Variants in RANBP2 observed in about 807,000 individuals in gnomAD.
RANBP2 encodes RAN binding protein 2.
A neutral mutation model predicts 303.6 loss-of-function variants in RANBP2; 57 were observed. The ratio of observed to expected loss-of-function variants is 0.19; its 90% CI spans 0.15 to 0.23. The LOEUF (loss-of-function observed/expected upper bound fraction) is 0.23. Among genes scored for constraint, RANBP2 ranks in the 10% least tolerant of loss-of-function variants. The pLI is 1.00. For missense variants in RANBP2, 3,138 were observed against 3,780.8 expected (o/e 0.83, Z 4.46); for synonymous variants, 1,167 against 1,301.5 (o/e 0.90, Z 2.23).
the RANBP2 span, chr2:108,923,502 C>T: frequency 6.4e-7 from 1 of 1,574,100 alleles, no homozygotes; most frequent in Non-Finnish European, 8.7e-7. Context: ...CTGGACAGCA[C>T]ACAGGCAGGG....
chr2:108,997,976 G>A, the RANBP2 span, among the ~76,000 whole-genome samples: 1 of 152,076 alleles, frequency 6.6e-6, no homozygotes, highest in African/African-American at 2.4e-5. Context: ...CCTCAGCCTC[G>A]GCAAGTATCA....
chr2:109,083,703 A>G, the RANBP2 span, among the ~76,000 whole-genome samples: 1 of 152,034 alleles, frequency 6.6e-6, no homozygotes, highest in African/African-American at 2.4e-5. Context: ...GTGATTCTAT[A>G]TTTAATTTGC....
the RANBP2 span, among the ~76,000 whole-genome samples, chr2:109,666,889 G>A: frequency 6.6e-6 from 1 of 152,196 alleles, no homozygotes; most frequent in Non-Finnish European, 1.5e-5. Flanking sequence ...AATGGGCACG[G>A]TTGGTTTTCT....
chr2:109,636,766 C>A, the RANBP2 span, among the ~76,000 whole-genome samples: 1 of 152,086 alleles, frequency 6.6e-6, no homozygotes, highest in Non-Finnish European at 1.5e-5. Context: ...GATGAAACCC[C>A]GTCACTACCA....
the RANBP2 span, among the ~76,000 whole-genome samples, chr2:109,050,035 A>G: frequency 6.6e-6 from 1 of 152,256 alleles, no homozygotes; most frequent in African/African-American, 2.4e-5. Flanking sequence ...ACTGGTGGCC[A>G]CTAGCTTGCC....
the RANBP2 span, among the ~76,000 whole-genome samples, chr2:109,337,610 C>T: frequency 6.6e-6 from 1 of 151,946 alleles, no homozygotes. Context: ...GAAGTCCATC[C>T]TCCATTGGTG....
the RANBP2 span, chr2:109,732,731 G>C: frequency 1.5e-6 from 1 of 668,064 alleles, no homozygotes; most frequent in African/African-American, 1.8e-5. Context: ...GTTTATGTAG[G>C]TTTATGCAGG....
the RANBP2 span, among the ~76,000 whole-genome samples, chr2:109,172,367 C>A: frequency 6.6e-6 from 1 of 152,228 alleles, no homozygotes; most frequent in Non-Finnish European, 1.5e-5. Flanking sequence ...TCACCATGCA[C>A]GGAGCTCAGC....
At position 108,767,753 on chromosome 2, in the gene RANBP2, C is replaced by T; in HGVS notation, c.7214C>T (p.Thr2405Ile). The change falls in exon 20 of 29, where the codon ACT (threonine) becomes ATT (isoleucine). Residue 2405 changes from threonine (T) to isoleucine (I), a missense_variant. This residue lies in a region of RANBP2 where 92 missense variants were observed against 211.0 expected (regional missense o/e 0.44). Coordinates refer to ENST00000283195, the MANE Select transcript of RANBP2 (RefSeq NM_006267.5). ...MKGTERVWLW[T>I]ACDFADGERK... ...GGGACAGAAAGAGTATGGTTGTGGA[C>T]TGCATGTGATTTTGCAGATGGAGAA... 1 of 1,611,984 alleles carries T rather than the reference C, an allele frequency of 6.2e-7. No homozygotes were observed. The highest frequency in any genetic ancestry group is 8.5e-7 in the Non-Finnish European group (1 of 1,179,860).
chr2:109,144,103 T>C, the RANBP2 span, among the ~76,000 whole-genome samples: 1 of 152,186 alleles, frequency 6.6e-6, no homozygotes, highest in African/African-American at 2.4e-5. Context: ...ATAAGATGAA[T>C]GAATTCTGGA....
At chr2:109,371,595 C>T in the RANBP2 span, 170 of 1,614,004 alleles carry the variant, frequency 1.1e-4, no homozygotes, top group Middle Eastern at 3.3e-4. Context: ...GGACGAGATT[C>T]TGACGGTGCT....
the RANBP2 span, among the ~76,000 whole-genome samples, chr2:109,452,169 A>T: frequency 2.0e-5 from 3 of 152,302 alleles, no homozygotes; most frequent in South Asian, 6.2e-4. Flanking sequence ...AGCAGAAATG[A>T]TGGTCATTTT....
At chr2:109,139,176 C>T in the RANBP2 span, among the ~76,000 whole-genome samples, 2 of 152,326 alleles carry the variant, frequency 1.3e-5, no homozygotes, top group Middle Eastern at 3.4e-3. Flanking sequence ...AAATTGCATC[C>T]TATTTTCTCT....
chr2:109,556,377 C>T, the RANBP2 span, among the ~76,000 whole-genome samples: 1 of 152,094 alleles, frequency 6.6e-6, no homozygotes, highest in East Asian at 1.9e-4. Flanking sequence ...TCTTATTAAT[C>T]TTAAATTTTA....
the RANBP2 span, chr2:109,543,918 A>G: frequency 2.1e-6 from 1 of 477,278 alleles, no homozygotes; most frequent in Non-Finnish European, 3.7e-6. Context: ...CATGTTTCAC[A>G]TCCACCTTAT....
chr2:109,181,495 A>G, the RANBP2 span, among the ~76,000 whole-genome samples: 1 of 152,318 alleles, frequency 6.6e-6, no homozygotes, highest in Admixed American at 6.5e-5. Context: ...ACACACACAC[A>G]CGCACACTAA....
the RANBP2 span, among the ~76,000 whole-genome samples, chr2:108,846,541 G>A: frequency 1.3e-5 from 2 of 151,684 alleles, no homozygotes; most frequent in African/African-American, 2.4e-5. Context: ...CCTGAGTGTG[G>A]TAGTGAGTGC....
the RANBP2 span, among the ~76,000 whole-genome samples, chr2:108,927,229 T>C: frequency 6.6e-6 from 1 of 152,186 alleles, no homozygotes; most frequent in Non-Finnish European, 1.5e-5. Context: ...GCAGGTGTGC[T>C]GGGCCTTGCT....
At chr2:109,042,062 T>C in the RANBP2 span, among the ~76,000 whole-genome samples, 1 of 152,216 alleles carries the variant, frequency 6.6e-6, no homozygotes, top group Non-Finnish European at 1.5e-5. Context: ...ACATCTATAT[T>C]CATGAGAGAA....
Sources: allele counts gnomAD v4.1 joint callset (sites outside exome capture counted in the v4.1 genomes callset), GRCh38; gene constraint gnomAD v4.1.1; regional missense constraint gnomAD v4.1.1; transcripts MANE v1.5; gene names NCBI Gene and HGNC (gene_info 2026-07-23, HGNC 2026-07-21).